Variants in PEX13 observed in about 807,000 individuals in gnomAD.
PEX13 encodes the protein peroxisome biogenesis factor 13.
In PEX13, 28 loss-of-function variants were observed where a neutral mutation model predicts 34.5. The ratio of observed to expected loss-of-function variants is 0.81; its 90% CI spans 0.60 to 1.11. PEX13 has a LOEUF of 1.11. Among genes scored for constraint, PEX13 ranks in the 50% most tolerant of loss-of-function variants. The probability of loss-of-function intolerance (pLI) is 0.00; values close to 1 mark genes in which losing one functional copy is unlikely to be tolerated. For synonymous variants in PEX13, 177 were observed against 175.1 expected (o/e 1.01, Z -0.09); for missense variants, 550 against 491.0 (o/e 1.12, Z -1.13).
chr2:61,044,921 T>C (rs1277326527), intron 2 of PEX13, among the ~76,000 whole-genome samples: 1 of 152,204 alleles, frequency 6.6e-6, no homozygotes, highest in Non-Finnish European at 1.5e-5. Flanking sequence ...TGCCAGAGCA[T>C]TTTTTGGACC....
rs764642087 is a variant in PEX13, at chr2:61,031,513, A to G, written c.187A>G (p.Thr63Ala). ...PPILPRPSQQ[T>A]GSSSVNTFRP... The stretch of plus-strand genomic sequence containing the variant: ...TATTCTTCCAAGGCCATCACAGCAG[A>G]CAGGAAGTAGCAGTGTGAACACTTT... Residue 63 changes from threonine to alanine, a missense_variant, in exon 2 of 4, where the codon ACA becomes GCA. Thr to Ala is a moderately conservative substitution (Grantham distance 58, BLOSUM62 0). Coordinates refer to ENST00000295030, the MANE Select transcript of PEX13 (RefSeq NM_002618.4). The G allele has an allele frequency of 6.2e-7, 1 of 1,614,164 alleles. No homozygotes were observed. Among genetic ancestry groups the G allele is most frequent in the Non-Finnish European group, 8.5e-7 (1 of 1,179,984 alleles).
intron 2 of PEX13, among the ~76,000 whole-genome samples, chr2:61,037,025 C>G (rs542154616): frequency 4.6e-4 from 69 of 151,590 alleles, no homozygotes; most frequent in African/African-American, 1.4e-3. Flanking sequence ...TCAAAAGAGA[C>G]AAGGCCATTA....
chr2:61,051,835 CTG>C lies in PEX13; in HGVS notation c.*3069_*3070del, dbSNP rs1680804338. 1 of 152,278 alleles carries C rather than the reference CTG, an allele frequency of 6.6e-6. No individual in the cohort carries two copies. The highest frequency in any genetic ancestry group is 2.4e-5 in the African/African-American group (1 of 41,444). 9.4% of individuals were successfully genotyped at this position (152,278 alleles called of 1,614,324 possible). ...ATTTTATGTACGTACTTGATTCTGT[CTG>C]TGTCATAATTACACATTTACTTGAA... is the stretch of plus-strand genomic sequence containing the variant. On this transcript the variant is annotated 3_prime_UTR_variant, in exon 4 of 4. Coordinates refer to ENST00000295030, the MANE Select transcript of PEX13 (RefSeq NM_002618.4).
At position 61,031,452 on chromosome 2, in the gene PEX13, A is replaced by T; in HGVS notation, c.126A>T (p.Arg42Ser). 1 of 1,614,190 alleles carries T rather than the reference A, an allele frequency of 6.2e-7. No individual in the cohort carries two copies. ...SADLGPTLMT[R>S]PGQPALTRVP... is the part of the protein sequence containing the mutation. ...ATTTGGGTCCTACTTTAATGACAAGACCTGGACAACCAGCACTTACCAGAG... is the reference window on the plus strand; with the variant it reads ...ATTTGGGTCCTACTTTAATGACAAGTCCTGGACAACCAGCACTTACCAGAG... Residue 42 changes from arginine to serine, a missense_variant, in exon 2 of 4, where the codon AGA (arginine) becomes AGT (serine). Transcript: ENST00000295030.
intron 1 of PEX13, among the ~76,000 whole-genome samples, chr2:61,025,716 T>C (rs1184430276): frequency 6.6e-6 from 1 of 152,164 alleles, no homozygotes; most frequent in Non-Finnish European, 1.5e-5. Context: ...TTAATGTGAT[T>C]TGAGGCCTAA....
chr2:61,036,867 G>C (rs1680543782), intron 2 of PEX13, among the ~76,000 whole-genome samples: 1 of 152,158 alleles, frequency 6.6e-6, no homozygotes, highest in African/African-American at 2.4e-5. Context: ...CCATGGGTGT[G>C]CTGTATTCAG....
chr2:61,032,325 C>T (rs1296204874), intron 2 of PEX13, among the ~76,000 whole-genome samples: 3 of 152,096 alleles, frequency 2.0e-5, no homozygotes, highest in African/African-American at 7.2e-5. Context: ...TACCTGTTTA[C>T]AAGGTACTGA....
chr2:61,043,246 T>A (rs896670515), intron 2 of PEX13, among the ~76,000 whole-genome samples: 2 of 150,650 alleles, frequency 1.3e-5, no homozygotes, highest in Non-Finnish European at 2.9e-5. Flanking sequence ...CCTGTAATCC[T>A]GGCACTTTGG....
rs1680105284 is a variant in PEX13 at position 61,017,776 on chromosome 2, C to T, written c.17C>T (p.Pro6Leu). The change falls in exon 1 of 4, where the codon CCA (proline) becomes CTA (leucine). Residue 6 changes from proline (P) to leucine (L), a missense_variant. Physicochemically the swap from Pro to Leu is moderately conservative, Grantham distance 98. Transcript: ENST00000295030. ...GCGGAGGAGATGGCGTCCCAGCCGC[C>T]ACCTCCCCCCAAACCCTGGGAGACC... MASQP[P>L]PPPKPWETRR... 4 of 1,549,956 alleles carry T rather than the reference C, an allele frequency of 2.6e-6. No homozygotes were observed. The South Asian group carries it at 3.6e-5, about 14-fold the overall frequency.
chr2:61,018,119 G>A (rs367945635), intron 1 of PEX13: 3 of 1,547,572 alleles, frequency 1.9e-6, no homozygotes, highest in South Asian at 1.2e-5. Flanking sequence ...TGAAAGAAAG[G>A]GGGGCGGCTT....
Position 61,045,723 on chromosome 2 carries a change from T to C in PEX13, c.788-3T>C. 6.2e-7 allele frequency: 1 copy of C among 1,612,916 alleles called. No individual in the cohort carries two copies. Among genetic ancestry groups the C allele is most frequent in the South Asian group, 1.1e-5 (1 of 91,070 alleles). On this transcript the variant is annotated splice_region_variant and splice_polypyrimidine_tract_variant and intron_variant, in intron 2 of 3. Coordinates refer to ENST00000295030, the MANE Select transcript of PEX13 (RefSeq NM_002618.4). Reference sequence around the variant, plus strand: ...ATTAACCTAATTTTAATTTGGCTTATAGACAGCATCAACTGGGCAAGTGGT... The same window carrying C: ...ATTAACCTAATTTTAATTTGGCTTACAGACAGCATCAACTGGGCAAGTGGT...
intron 3 of PEX13, 147 bp from the exon 4 acceptor site, chr2:61,048,325 A>C (rs1680741079): frequency 1.5e-6 from 1 of 689,008 alleles, no homozygotes; most frequent in African/African-American, 1.8e-5. Flanking sequence ...CCTACTCAGC[A>C]TTTGATTTTG....
At chr2:61,021,440 T>C (rs4564760) in intron 1 of PEX13, among the ~76,000 whole-genome samples, 35,483 of 152,080 alleles carry the variant, frequency 0.23, 5,130 homozygotes, top group African/African-American at 0.4. Flanking sequence ...CTGAGATCAA[T>C]CTGCGAGGCA....
At chr2:61,039,756 C>A (rs1007376751) in intron 2 of PEX13, among the ~76,000 whole-genome samples, 5 of 152,130 alleles carry the variant, frequency 3.3e-5, no homozygotes, top group Non-Finnish European at 5.9e-5. Flanking sequence ...TCTAATTAAA[C>A]TAAAGAGCTT....
intron 2 of PEX13, 143 bp downstream of exon 2, chr2:61,032,256 G>A (rs752146682): frequency 1.9e-5 from 13 of 672,056 alleles, no homozygotes; most frequent in Non-Finnish European, 2.8e-5. Context: ...ACTGGCAGAG[G>A]AATATATAGC....
chr2:61,031,395 GT>G (rs1266044566), intron 1 of PEX13, 23 bp from the exon 2 acceptor site: 1 of 1,559,970 alleles, frequency 6.4e-7, no homozygotes, highest in Non-Finnish European at 8.8e-7. Context: ...TTAAATAACT[GT>G]TTTGAATCTT....
chr2:61,036,419 T>C (rs1680536510), intron 2 of PEX13, among the ~76,000 whole-genome samples: 1 of 152,198 alleles, frequency 6.6e-6, no homozygotes, highest in Non-Finnish European at 1.5e-5. Flanking sequence ...CCCATCAGAC[T>C]AACAGCAGCT....
intron 1 of PEX13, 33 bp from the exon 2 acceptor site, chr2:61,031,386 T>C (rs1345804947): frequency 6.6e-6 from 10 of 1,504,876 alleles, no homozygotes; most frequent in Non-Finnish European, 8.3e-6. Flanking sequence ...ATTGTATGCT[T>C]AAATAACTGT....
chr2:61,017,907 A>T, intron 1 of PEX13, 56 bp downstream of exon 1: 1 of 1,511,356 alleles, frequency 6.6e-7, no homozygotes. Flanking sequence ...GGGACTTGGC[A>T]GGAGGCGGTT....
Sources: allele counts gnomAD v4.1 joint callset (sites outside exome capture counted in the v4.1 genomes callset), GRCh38; gene constraint gnomAD v4.1.1; transcripts MANE v1.5; gene names NCBI Gene and HGNC (gene_info 2026-07-23, HGNC 2026-07-21).